Variants in ASPH observed in about 807,000 individuals in gnomAD.
The protein encoded by ASPH is aspartate beta-hydroxylase.
Under a neutral mutation model 118.4 loss-of-function variants are expected in ASPH, and 100 were observed. That is an observed-to-expected ratio of 0.84 (90% CI 0.72 to 1.00). The LOEUF (loss-of-function observed/expected upper bound fraction) is 1.00, where lower values mean the gene tolerates loss of function less well. ASPH is among the 50% of genes least tolerant of loss of function. The pLI is 0.00. For synonymous variants in ASPH, 315 were observed against 325.6 expected (o/e 0.97, Z 0.35); for missense variants, 920 against 919.5 (o/e 1.00, Z -0.01).
At chr8:61,508,690 C>T (rs1478007631) in intron 24 of ASPH, among the ~76,000 whole-genome samples, 1 of 152,178 alleles carries the variant, frequency 6.6e-6, no homozygotes, top group Non-Finnish European at 1.5e-5. Context: ...TGCAGTGACA[C>T]TGTGATTCTG....
chr8:61,695,744 C>CCGA, intron 1 of ASPH, among the ~76,000 whole-genome samples: 1 of 152,312 alleles, frequency 6.6e-6, no homozygotes, highest in Admixed American at 6.5e-5. Flanking sequence ...TGTACACTTC[C>CCGA]CTTGGATCTA....
At chr8:61,594,257 G>T (rs975979421) in intron 14 of ASPH, among the ~76,000 whole-genome samples, 16 of 152,162 alleles carry the variant, frequency 1.1e-4, no homozygotes, top group Admixed American at 6.5e-5. Context: ...ATGGGGAAAT[G>T]ATTTTAAAAT....
intron 7 of ASPH, 50 bp from the exon 8 acceptor site, chr8:61,644,051 T>A: frequency 1.5e-6 from 2 of 1,377,422 alleles, no homozygotes; most frequent in Non-Finnish European, 2.0e-6. Context: ...AAGGAATACA[T>A]GTAATATTCG....
At chr8:61,553,256 G>A in intron 19 of ASPH, 136 bp from the exon 20 acceptor site, 9 of 614,262 alleles carry the variant, frequency 1.5e-5, no homozygotes, top group South Asian at 6.9e-5. Flanking sequence ...TTAAACTTTG[G>A]GAATGAGGTT....
intron 1 of ASPH, 21 bp downstream of exon 1, chr8:61,714,248 C>A: frequency 6.8e-7 from 1 of 1,479,460 alleles, no homozygotes; most frequent in Non-Finnish European, 8.9e-7. Flanking sequence ...CCCCAGATCC[C>A]CGCCCCGCAG....
At chr8:61,539,515 T>A (rs1057335607) in intron 21 of ASPH, among the ~76,000 whole-genome samples, 1 of 152,084 alleles carries the variant, frequency 6.6e-6, no homozygotes, top group Non-Finnish European at 1.5e-5. Flanking sequence ...GGGGTTATAC[T>A]TCCAGGATCT....
intron 13 of ASPH, among the ~76,000 whole-genome samples, chr8:61,628,889 T>C (rs1460071868): frequency 6.6e-6 from 1 of 152,206 alleles, no homozygotes; most frequent in Non-Finnish European, 1.5e-5. Context: ...ATATATTTTT[T>C]GAATAGATGA....
intron 3 of ASPH, among the ~76,000 whole-genome samples, chr8:61,667,108 C>T (rs963225815): frequency 3.3e-5 from 5 of 152,022 alleles, no homozygotes; most frequent in Non-Finnish European, 7.4e-5. Flanking sequence ...CCCTGTGAAT[C>T]ACATAGTAAG....
intron 20 of ASPH, among the ~76,000 whole-genome samples, chr8:61,550,516 T>C (rs899142985): frequency 6.6e-5 from 10 of 151,376 alleles, no homozygotes; most frequent in African/African-American, 9.7e-5. Context: ...ACAGAAAGTA[T>C]GTCAGATGAC....
chr8:61,651,716 A>G (rs1428609800), intron 4 of ASPH, among the ~76,000 whole-genome samples: 1 of 152,266 alleles, frequency 6.6e-6, no homozygotes, highest in Non-Finnish European at 1.5e-5. Context: ...GGAGAACCAC[A>G]TCTGACACTG....
At chr8:61,638,807 C>T (rs1172141704) in intron 10 of ASPH, among the ~76,000 whole-genome samples, 2 of 152,132 alleles carry the variant, frequency 1.3e-5, no homozygotes, top group African/African-American at 4.8e-5. Flanking sequence ...GCTGCCCTTG[C>T]CTCCCTCATT....
intron 1 of ASPH, among the ~76,000 whole-genome samples, chr8:61,709,599 G>A (rs949457329): frequency 3.9e-5 from 6 of 152,164 alleles, no homozygotes; most frequent in Non-Finnish European, 7.3e-5. Context: ...GTGTACATAG[G>A]TTATATGTAC....
At chr8:61,707,567 A>G (rs1454402467) in intron 1 of ASPH, among the ~76,000 whole-genome samples, 2 of 152,206 alleles carry the variant, frequency 1.3e-5, no homozygotes, top group African/African-American at 4.8e-5. Flanking sequence ...TGTACTTTCT[A>G]TGACCCACAA....
intron 15 of ASPH, among the ~76,000 whole-genome samples, chr8:61,580,846 A>G (rs1837292507): frequency 6.6e-6 from 1 of 152,154 alleles, no homozygotes; most frequent in South Asian, 2.1e-4. Context: ...CTCTATCTCA[A>G]TGTCCTTAAT....
chr8:61,521,409 C>T (rs1812955831), intron 22 of ASPH, among the ~76,000 whole-genome samples: 1 of 152,096 alleles, frequency 6.6e-6, no homozygotes, highest in South Asian at 2.1e-4. Context: ...CAACCCCATA[C>T]TTGAGGCACT....
At chr8:61,698,677 C>A (rs189681712) in intron 1 of ASPH, among the ~76,000 whole-genome samples, 2 of 152,044 alleles carry the variant, frequency 1.3e-5, no homozygotes, top group Admixed American at 1.3e-4. Context: ...TTCCTGTGAC[C>A]GGCACCCATC....
chr8:61,521,384 C>T (rs945485555), intron 22 of ASPH, among the ~76,000 whole-genome samples: 1 of 142,216 alleles, frequency 7.0e-6, no homozygotes, highest in Non-Finnish European at 1.5e-5. Flanking sequence ...ATCTAGTGCT[C>T]ACTGATCCTA....
intron 15 of ASPH, chr8:61,582,987 G>A (rs766839232): frequency 3.5e-4 from 53 of 152,212 alleles, no homozygotes; most frequent in African/African-American, 1.0e-3. Context: ...GTAAGGGAAC[G>A]AATAACTTAA....
chr8:61,577,421 A>AAAAAAAAC (rs1197809235), intron 15 of ASPH, among the ~76,000 whole-genome samples: 3 of 148,258 alleles, frequency 2.0e-5, no homozygotes, highest in Non-Finnish European at 3.0e-5. Flanking sequence ...AAAAAAAAAA[A>AAAAAAAAC]AAGACAAGAC....
Sources: allele counts gnomAD v4.1 joint callset (sites outside exome capture counted in the v4.1 genomes callset), GRCh38; gene constraint gnomAD v4.1.1; transcripts MANE v1.5; gene names NCBI Gene and HGNC (gene_info 2026-07-23, HGNC 2026-07-21).